The following RFX3 variants were observed in gnomAD, a reference collection of about 807,000 sequenced individuals.
The protein encoded by RFX3 is regulatory factor X3, also known as transcription factor RFX3.
In RFX3, 14 loss-of-function variants were observed where a neutral mutation model predicts 98.6. The observed-to-expected ratio is 0.14, with a 90% CI of 0.09 to 0.22. The LOEUF is 0.22. Among genes scored for constraint, RFX3 ranks in the 10% least tolerant of loss-of-function variants. The pLI, the probability that RFX3 is intolerant of heterozygous loss-of-function variation, is 1.00. For missense variants in RFX3, 639 were observed against 926.9 expected (o/e 0.69, Z 4.03); for synonymous variants, 383 against 328.4 (o/e 1.17, Z -1.80).
intron 1 of RFX3, among the ~76,000 whole-genome samples, chr9:3,514,623 A>G (rs1196025744): frequency 1.3e-5 from 2 of 152,028 alleles, no homozygotes; most frequent in Non-Finnish European, 2.9e-5. Context: ...TAATTTTTTA[A>G]TTTTTTGTAG....
At chr9:3,467,040 A>ATATGTATATACATACATATATGTAAG (rs1564138461) in intron 1 of RFX3, among the ~76,000 whole-genome samples, 2 of 125,046 alleles carry the variant, frequency 1.6e-5, no homozygotes, top group Admixed American at 8.1e-5. Context: ...ATATATATAT[A>ATATGTATATACATACATATATGTAAG]TATATATGTA....
intron 1 of RFX3, among the ~76,000 whole-genome samples, chr9:3,498,019 C>T (rs1256213746): frequency 1.3e-5 from 2 of 151,984 alleles, no homozygotes; most frequent in African/African-American, 2.4e-5. Flanking sequence ...TGTATATTTA[C>T]AGCTTATTGC....
intron 1 of RFX3, among the ~76,000 whole-genome samples, chr9:3,469,561 G>A (rs950658551): frequency 1.5e-4 from 23 of 152,170 alleles, no homozygotes; most frequent in African/African-American, 5.5e-4. Context: ...TTTTTACTGG[G>A]TCAATGATAA....
intron 1 of RFX3, among the ~76,000 whole-genome samples, chr9:3,502,417 T>C (rs542881909): frequency 6.6e-6 from 1 of 152,284 alleles, no homozygotes; most frequent in African/African-American, 2.4e-5. Context: ...AAAGGATAAT[T>C]TCAGCCACAT....
At chr9:3,253,027 T>A (rs1821630990) in intron 14 of RFX3, among the ~76,000 whole-genome samples, 1 of 152,226 alleles carries the variant, frequency 6.6e-6, no homozygotes, top group Non-Finnish European at 1.5e-5. Flanking sequence ...CAGACTTCCG[T>A]AAGAAATGTT....
intron 1 of RFX3, among the ~76,000 whole-genome samples, chr9:3,490,611 T>C (rs958222593): frequency 2.6e-5 from 4 of 152,090 alleles, no homozygotes; most frequent in Non-Finnish European, 4.4e-5. Flanking sequence ...AGAATAATCA[T>C]AGTATTGTAA....
chr9:3,339,984 A>G lies in RFX3; in HGVS notation c.215+6683T>C, dbSNP rs375703972. Among the ~76,000 whole-genome samples the G allele has an allele frequency of 9.9e-5, 15 of 152,092 alleles. No homozygotes were observed. In the East Asian group the frequency reaches 1.5e-3, roughly 16 times the overall value. On this transcript the variant is annotated intron_variant, in intron 3 of 16. Transcript: ENST00000617270. ...AAAAGAACAAAGCTGGAGGCATCAC[A>G]CTACCTGACTTCAAACTATACTACA...
At chr9:3,251,458 C>T (rs951508503) in intron 14 of RFX3, among the ~76,000 whole-genome samples, 22 of 151,690 alleles carry the variant, frequency 1.5e-4, no homozygotes, top group Admixed American at 2.6e-4. Context: ...AGTGATCTTA[C>T]GCTCCTCACC....
chr9:3,316,102 T>A (rs948094799), intron 4 of RFX3, among the ~76,000 whole-genome samples: 1 of 152,174 alleles, frequency 6.6e-6, no homozygotes, highest in Non-Finnish European at 1.5e-5. Flanking sequence ...ATATCGCTGA[T>A]GAACATCGAT....
At chr9:3,515,699 A>C (rs1487167710) in intron 1 of RFX3, among the ~76,000 whole-genome samples, 1 of 152,244 alleles carries the variant, frequency 6.6e-6, no homozygotes, top group Non-Finnish European at 1.5e-5. Context: ...AATGGTTTTG[A>C]ACATTAAAGT....
At chr9:3,420,348 C>A (rs866758812) in intron 1 of RFX3, among the ~76,000 whole-genome samples, 77 of 152,154 alleles carry the variant, frequency 5.1e-4, no homozygotes, top group African/African-American at 1.8e-3. Context: ...AAGCCCAGAG[C>A]AACATAAGAA....
At chr9:3,303,812 T>G (rs1828954252) in intron 4 of RFX3, among the ~76,000 whole-genome samples, 1 of 151,864 alleles carries the variant, frequency 6.6e-6, no homozygotes, top group African/African-American at 2.4e-5. Context: ...AATATGTGGG[T>G]GAAAATGGAT....
chr9:3,420,139 C>T (rs549333613), intron 1 of RFX3, among the ~76,000 whole-genome samples: 4 of 152,176 alleles, frequency 2.6e-5, no homozygotes, highest in Non-Finnish European at 2.9e-5. Context: ...AGTGAGCCAG[C>T]GTACATTAAA....
chr9:3,299,291 T>C (rs1828362732), intron 5 of RFX3, among the ~76,000 whole-genome samples: 2 of 151,796 alleles, frequency 1.3e-5, no homozygotes, highest in African/African-American at 4.8e-5. Context: ...CCAGTTGTTT[T>C]TGATAAATCT....
intron 5 of RFX3, among the ~76,000 whole-genome samples, chr9:3,295,935 A>G (rs1228416894): frequency 1.3e-5 from 2 of 152,204 alleles, no homozygotes; most frequent in Admixed American, 6.5e-5. Flanking sequence ...TTAATTAACC[A>G]GAAACAAATA....
intron 4 of RFX3, among the ~76,000 whole-genome samples, chr9:3,321,830 T>C (rs1449285908): frequency 6.6e-6 from 1 of 152,096 alleles, no homozygotes; most frequent in Non-Finnish European, 1.5e-5. Flanking sequence ...TATGAACCAA[T>C]CTAATTTTCT....
chr9:3,339,067 C>T (rs1013521884), intron 3 of RFX3, among the ~76,000 whole-genome samples: 10 of 151,828 alleles, frequency 6.6e-5, no homozygotes, highest in African/African-American at 2.2e-4. Flanking sequence ...CCAGCCTGGG[C>T]GACAGAGCAA....
At chr9:3,359,859 C>T (rs971963131) in intron 2 of RFX3, among the ~76,000 whole-genome samples, 5 of 152,036 alleles carry the variant, frequency 3.3e-5, no homozygotes, top group African/African-American at 4.8e-5. Flanking sequence ...GCTATTTTCT[C>T]GTTCTAAAAT....
chr9:3,314,022 C>T (rs571301424), intron 4 of RFX3, among the ~76,000 whole-genome samples: 10 of 152,192 alleles, frequency 6.6e-5, no homozygotes, highest in South Asian at 2.1e-4. Context: ...ATACAGAGAA[C>T]GCCACAAAGA....
Sources: gnomAD v4.1 joint callset for allele counts (sites outside exome capture counted in the v4.1 genomes callset) on GRCh38, gnomAD v4.1.1 for gene constraint, MANE v1.5 for transcripts, NCBI Gene and HGNC (gene_info 2026-07-23, HGNC 2026-07-21) for gene names.